BABAM2: variants seen among roughly 807,000 people sequenced by gnomAD.
The protein encoded by BABAM2 is BRISC and BRCA1 A complex member 2.
A neutral mutation model predicts 54.7 loss-of-function variants in BABAM2; 31 were observed. The ratio of observed to expected loss-of-function variants is 0.57; its 90% CI spans 0.43 to 0.77. The LOEUF is 0.77. Ranked by LOEUF, BABAM2 falls within the 30% of genes least tolerant of loss-of-function variation. The pLI is 0.00. For synonymous variants in BABAM2, 167 were observed against 162.9 expected, an observed-to-expected ratio of 1.03 and a Z score of -0.19; for missense variants, 364 against 455.8, an observed-to-expected ratio of 0.80 and a Z score of 1.83.
In BABAM2 at chr2:28,300,193, C is replaced by T. The variant is rs370129807; in HGVS notation, c.1088+1702C>T. ...ACCTCAGGTGATCCGCCCACCTCAGCCTCCCAAAGTGCTAGGATTACAGGT... is the reference window on the plus strand; with the variant it reads ...ACCTCAGGTGATCCGCCCACCTCAGTCTCCCAAAGTGCTAGGATTACAGGT... On this transcript the variant is annotated intron_variant, in intron 11 of 11. Transcript: ENST00000379624. 6.9e-4 allele frequency among the ~76,000 whole-genome samples: 105 copies of T among 152,240 alleles called. No homozygotes were observed. The Middle Eastern group carries it at 0.01, about 15-fold the overall frequency.
At chr2:28,229,176 C>A (rs1041080451) in intron 7 of BABAM2, among the ~76,000 whole-genome samples, 1 of 152,142 alleles carries the variant, frequency 6.6e-6, no homozygotes, top group Non-Finnish European at 1.5e-5. Context: ...GTCAAGTATG[C>A]AGATAAGGAC....
At chr2:28,326,268 G>T (rs1690446240) in intron 11 of BABAM2, among the ~76,000 whole-genome samples, 2 of 152,180 alleles carry the variant, frequency 1.3e-5, no homozygotes, top group South Asian at 4.1e-4. Context: ...CGGGACTGTG[G>T]TGAGCTCCCT....
At chr2:28,313,654 C>T (rs1478425917) in intron 11 of BABAM2, among the ~76,000 whole-genome samples, 1 of 152,166 alleles carries the variant, frequency 6.6e-6, no homozygotes, top group African/African-American at 2.4e-5. Flanking sequence ...CAGTGGTTTC[C>T]TAGTTGATCC....
chr2:28,319,301 G>T (rs1450351197), intron 11 of BABAM2, among the ~76,000 whole-genome samples: 1 of 152,252 alleles, frequency 6.6e-6, no homozygotes, highest in Non-Finnish European at 1.5e-5. Flanking sequence ...TTGGGTTGGT[G>T]CAGAGTTAGC....
intron 11 of BABAM2, among the ~76,000 whole-genome samples, chr2:28,337,779 G>A (rs1691599890): frequency 1.3e-5 from 2 of 152,330 alleles, no homozygotes; most frequent in South Asian, 4.1e-4. Context: ...GAGGCCAGGA[G>A]TTTGAGACCA....
At chr2:28,315,468 TTTC>T (rs1485105969) in intron 11 of BABAM2, among the ~76,000 whole-genome samples, 2 of 107,134 alleles carry the variant, frequency 1.9e-5, no homozygotes, top group African/African-American at 6.2e-5. Flanking sequence ...TTTCTTTTCT[TTTC>T]TTTTCTTTTC....
At chr2:27,976,338 A>G (rs971127863) in intron 3 of BABAM2, among the ~76,000 whole-genome samples, 1 of 152,172 alleles carries the variant, frequency 6.6e-6, no homozygotes, top group Non-Finnish European at 1.5e-5. Context: ...TATACAAACT[A>G]TGGTACATCT....
At chr2:28,097,492 T>A (rs1162404425) in intron 6 of BABAM2, among the ~76,000 whole-genome samples, 4 of 152,246 alleles carry the variant, frequency 2.6e-5, no homozygotes, top group Admixed American at 2.6e-4. Context: ...CAGGTTCATC[T>A]CTTTGGACCA....
intron 10 of BABAM2, among the ~76,000 whole-genome samples, chr2:28,289,857 G>A (rs1177227740): frequency 6.6e-6 from 1 of 151,982 alleles, no homozygotes; most frequent in Admixed American, 6.6e-5. Flanking sequence ...AAGGAAAGGA[G>A]AGCAAAGGAA....
intron 6 of BABAM2, among the ~76,000 whole-genome samples, chr2:28,085,754 A>G (rs1377944592): frequency 6.6e-6 from 1 of 152,166 alleles, no homozygotes; most frequent in Non-Finnish European, 1.5e-5. Flanking sequence ...ATCATCATAC[A>G]CTACTTGTAA....
chr2:28,203,234 A>G (rs1678469098), intron 7 of BABAM2, among the ~76,000 whole-genome samples: 1 of 152,220 alleles, frequency 6.6e-6, no homozygotes, highest in Admixed American at 6.5e-5. Context: ...ATTCTGTAAG[A>G]AAAGGACTCA....
intron 11 of BABAM2, among the ~76,000 whole-genome samples, chr2:28,332,276 C>T (rs1275428465): frequency 2.0e-5 from 3 of 152,114 alleles, no homozygotes; most frequent in African/African-American, 7.2e-5. Context: ...AACCTAACGT[C>T]CTGCACGTGG....
intron 5 of BABAM2, among the ~76,000 whole-genome samples, chr2:28,042,382 G>C (rs892972002): frequency 2.6e-5 from 4 of 152,154 alleles, no homozygotes; most frequent in African/African-American, 9.7e-5. Flanking sequence ...TTAAGCCCAG[G>C]CATACCCCAA....
chr2:28,220,688 G>A (rs1396514994), intron 7 of BABAM2, among the ~76,000 whole-genome samples: 1 of 152,164 alleles, frequency 6.6e-6, no homozygotes, highest in East Asian at 1.9e-4. Context: ...CAGTACTTTG[G>A]GAGGCCAAGG....
At chr2:27,896,159 T>C (rs1356620841) in intron 2 of BABAM2, 2 of 152,298 alleles carry the variant, frequency 1.3e-5, no homozygotes, top group African/African-American at 4.8e-5. Context: ...AGGTACCTTC[T>C]TGGATATGGC....
At chr2:28,185,752 A>C (rs1454490532) in intron 7 of BABAM2, among the ~76,000 whole-genome samples, 5 of 151,826 alleles carry the variant, frequency 3.3e-5, no homozygotes, top group Non-Finnish European at 5.9e-5. Context: ...TTTTTTTTGA[A>C]TTGCAGAAAT....
chr2:28,231,400 T>G (rs1410582559), intron 7 of BABAM2, among the ~76,000 whole-genome samples: 1 of 152,182 alleles, frequency 6.6e-6, no homozygotes, highest in Non-Finnish European at 1.5e-5. Flanking sequence ...ACTCAAGTCC[T>G]TAGACATAGT....
intron 10 of BABAM2, among the ~76,000 whole-genome samples, chr2:28,265,676 A>T (rs1040527373): frequency 3.9e-5 from 6 of 152,316 alleles, no homozygotes; most frequent in Non-Finnish European, 8.8e-5. Context: ...CACTCTAGTG[A>T]TAACACTCAG....
At chr2:28,243,644 T>C (rs1177210478) in intron 9 of BABAM2, among the ~76,000 whole-genome samples, 1 of 151,942 alleles carries the variant, frequency 6.6e-6, no homozygotes, top group African/African-American at 2.4e-5. Flanking sequence ...GAGGCAGAGG[T>C]TGCAGTGAGC....
Sources: gnomAD v4.1 joint callset for allele counts (sites outside exome capture counted in the v4.1 genomes callset) on GRCh38, gnomAD v4.1.1 for gene constraint, MANE v1.5 for transcripts, NCBI Gene and HGNC (gene_info 2026-07-23, HGNC 2026-07-21) for gene names.